The following CSMD3 variants were observed in gnomAD, a reference collection of about 807,000 sequenced individuals.
CSMD3 encodes the protein CUB and Sushi multiple domains 3.
CSMD3 carries 177 observed loss-of-function variants against 435.2 expected under a neutral mutation model. That is an observed-to-expected ratio of 0.41 (90% confidence interval 0.36 to 0.46). The LOEUF (loss-of-function observed/expected upper bound fraction) is 0.46, where lower values mean the gene tolerates loss of function less well. CSMD3 is among the 20% of genes least tolerant of loss of function. CSMD3 has a pLI of 0.34. For synonymous variants in CSMD3, 1,656 were observed against 1,520.5 expected (o/e 1.09, Z -2.07); for missense variants, 4,265 against 4,504.6 (o/e 0.95, Z 1.52).
chr8:112,919,471 C>A (rs116396898), intron 10 of CSMD3, among the ~76,000 whole-genome samples: 1 of 151,920 alleles, frequency 6.6e-6, no homozygotes, highest in South Asian at 2.1e-4. Context: ...GCTATGTAGT[C>A]TCAATCTTAC....
chr8:112,405,250 T>C (rs1379727310), intron 35 of CSMD3, among the ~76,000 whole-genome samples: 1 of 109,934 alleles, frequency 9.1e-6, no homozygotes, highest in Non-Finnish European at 1.8e-5. Context: ...TATATATACA[T>C]ATATATATAC....
chr8:113,153,010 G>C (rs2091844882), intron 4 of CSMD3, among the ~76,000 whole-genome samples: 1 of 114,638 alleles, frequency 8.7e-6, no homozygotes, highest in South Asian at 2.8e-4. Flanking sequence ...GAATACAAAA[G>C]GAAAAGAAAA....
chr8:112,812,734 A>G (rs1346646969), intron 12 of CSMD3, among the ~76,000 whole-genome samples: 1 of 152,146 alleles, frequency 6.6e-6, no homozygotes, highest in Non-Finnish European at 1.5e-5. Context: ...TTGTTAATTT[A>G]AAAAATGCTT....
At chr8:112,879,721 T>G (rs2081394828) in intron 10 of CSMD3, among the ~76,000 whole-genome samples, 2 of 151,956 alleles carry the variant, frequency 1.3e-5, no homozygotes. Context: ...TTAGGGAAAA[T>G]AGAAAAGAAT....
intron 12 of CSMD3, among the ~76,000 whole-genome samples, chr8:112,817,685 G>T (rs1234350625): frequency 2.6e-5 from 4 of 152,032 alleles, no homozygotes; most frequent in Non-Finnish European, 5.9e-5. Context: ...TAGAGATAGA[G>T]AGAGAGAGAG....
At chr8:112,266,852 A>C (rs1349377962) in intron 59 of CSMD3, among the ~76,000 whole-genome samples, 1 of 152,194 alleles carries the variant, frequency 6.6e-6, no homozygotes, top group Admixed American at 6.5e-5. Context: ...TGGCTAAAAA[A>C]CTTTCTACCA....
rs188662407 is a variant in CSMD3 at position 112,669,611 on chromosome 8, T to C, written c.2678-3196A>G. Among the ~76,000 whole-genome samples the C allele has an allele frequency of 1.3e-4, 20 of 152,278 alleles. No individual in the cohort carries two copies. In the East Asian group the frequency reaches 3.9e-3, roughly 29 times the overall value. On this transcript the variant is annotated intron_variant, in intron 16 of 70. Coordinates refer to ENST00000297405, the MANE Select transcript of CSMD3 (RefSeq NM_198123.2). ...TACTCTTGGCTGAACAAGAAAAATTTGGAATATACAGAAAGCAAAAAGGGG... is the reference window on the plus strand; with the variant it reads ...TACTCTTGGCTGAACAAGAAAAATTCGGAATATACAGAAAGCAAAAAGGGG...
chr8:112,341,783 T>C (rs993425076), intron 41 of CSMD3, 97 bp from the exon 42 acceptor site: 11 of 849,944 alleles, frequency 1.3e-5, no homozygotes, highest in Non-Finnish European at 1.9e-5. Flanking sequence ...TTAGATAAGT[T>C]TGCATTTAAG....
At chr8:112,732,122 C>T (rs2077088240) in intron 13 of CSMD3, among the ~76,000 whole-genome samples, 1 of 151,758 alleles carries the variant, frequency 6.6e-6, no homozygotes, top group Non-Finnish European at 1.5e-5. Context: ...GTAAATATTG[C>T]TCATGCATTT....
intron 1 of CSMD3, among the ~76,000 whole-genome samples, chr8:113,321,423 G>A (rs2093948623): frequency 6.6e-6 from 1 of 151,908 alleles, no homozygotes. Context: ...AGGAAGGAGT[G>A]GGGCACACAT....
At chr8:113,334,603 A>G (rs1287755715) in intron 1 of CSMD3, among the ~76,000 whole-genome samples, 1 of 152,036 alleles carries the variant, frequency 6.6e-6, no homozygotes, top group Non-Finnish European at 1.5e-5. Context: ...ATGAATTGGG[A>G]AATTTCCTTG....
At chr8:112,938,175 G>A (rs1438336223) in intron 9 of CSMD3, among the ~76,000 whole-genome samples, 2 of 152,154 alleles carry the variant, frequency 1.3e-5, no homozygotes, top group East Asian at 3.9e-4. Context: ...TGCAACATAA[G>A]GATGAATTTT....
intron 31 of CSMD3, among the ~76,000 whole-genome samples, chr8:112,489,607 T>C (rs954792771): frequency 2.6e-5 from 4 of 152,152 alleles, no homozygotes; most frequent in Non-Finnish European, 2.9e-5. Flanking sequence ...AATATGATTT[T>C]CTCAACAACC....
chr8:112,635,053 C>A (rs1459321338), intron 22 of CSMD3, among the ~76,000 whole-genome samples: 1 of 147,670 alleles, frequency 6.8e-6, no homozygotes, highest in African/African-American at 2.4e-5. Flanking sequence ...ATAAAAGAAC[C>A]TAGCAGGTCC....
chr8:112,451,681 C>T (rs905049714), intron 32 of CSMD3, among the ~76,000 whole-genome samples: 3 of 151,876 alleles, frequency 2.0e-5, no homozygotes, highest in African/African-American at 7.3e-5. Flanking sequence ...TGGGATTACA[C>T]GCATGTGCCA....
intron 3 of CSMD3, among the ~76,000 whole-genome samples, chr8:113,231,145 AT>A (rs2093081792): frequency 1.3e-5 from 2 of 151,234 alleles, no homozygotes; most frequent in South Asian, 2.1e-4. Context: ...TTATAACTAT[AT>A]TTTTCCCATA....
At chr8:112,306,931 T>C (rs908396179) in intron 50 of CSMD3, among the ~76,000 whole-genome samples, 3 of 152,126 alleles carry the variant, frequency 2.0e-5, no homozygotes, top group African/African-American at 7.2e-5. Flanking sequence ...TTGTTGTATA[T>C]ATTTTATACT....
intron 16 of CSMD3, among the ~76,000 whole-genome samples, chr8:112,670,408 A>G (rs2131726595): frequency 6.6e-6 from 1 of 152,298 alleles, no homozygotes; most frequent in Admixed American, 6.5e-5. Context: ...ATACACACAC[A>G]CGTATATAGA....
At chr8:113,348,037 T>C (rs1403695954) in intron 1 of CSMD3, among the ~76,000 whole-genome samples, 4 of 152,086 alleles carry the variant, frequency 2.6e-5, no homozygotes, top group African/African-American at 9.7e-5. Context: ...AAGGTTTCCA[T>C]ATAAGTACAA....
Sources: gnomAD v4.1 joint callset for allele counts (sites outside exome capture counted in the v4.1 genomes callset) on GRCh38, gnomAD v4.1.1 for gene constraint, MANE v1.5 for transcripts, NCBI Gene and HGNC (gene_info 2026-07-23, HGNC 2026-07-21) for gene names.